The following GAB1 variants were observed in gnomAD, a reference collection of about 807,000 sequenced individuals.
GAB1 encodes the protein GRB2 associated binding protein 1.
Under a neutral mutation model 66.5 loss-of-function variants are expected in GAB1, and 19 were observed. The observed-to-expected ratio is 0.29, with a 90% CI of 0.20 to 0.42. The LOEUF (loss-of-function observed/expected upper bound fraction) is 0.42, where lower values mean the gene tolerates loss of function less well. Ranked by LOEUF, GAB1 falls within the 10% of genes least tolerant of loss-of-function variation. The probability of loss-of-function intolerance (pLI) is 1.00; values close to 1 mark genes in which losing one functional copy is unlikely to be tolerated. For missense variants in GAB1, 732 were observed against 858.5 expected, an observed-to-expected ratio of 0.85 and a Z score of 1.84; for synonymous variants, 294 against 301.4, an observed-to-expected ratio of 0.98 and a Z score of 0.25.
Position 143,460,391 on chromosome 4 carries a change from A to G in GAB1, c.1707A>G (p.Arg569=), listed in dbSNP as rs1343871630. The G allele has an allele frequency of 6.2e-7, 1 of 1,613,554 alleles. No individual in the cohort carries two copies. The highest frequency in any genetic ancestry group is 8.5e-7 in the Non-Finnish European group (1 of 1,179,720). The change falls in exon 8 of 10, where the codon CGA becomes CGG. Residue 569 remains arginine (R), a synonymous_variant. Transcript: ENST00000262994. ...RDSSRFPMSP[R]PDSVHSTTSS... The stretch of plus-strand genomic sequence containing the variant: ...CTTCCAGGTTTCCCATGTCCCCCCG[A>G]CCAGATTCAGTGCATAGCACAACTT...
chr4:143,389,262 A>C (rs1488018179), intron 1 of GAB1, among the ~76,000 whole-genome samples: 1 of 152,246 alleles, frequency 6.6e-6, no homozygotes, highest in East Asian at 1.9e-4. Flanking sequence ...CAATGTATAT[A>C]ATCAAATACT....
chr4:143,455,466 A>G (rs1293928060), intron 6 of GAB1, among the ~76,000 whole-genome samples: 1 of 152,212 alleles, frequency 6.6e-6, no homozygotes, highest in African/African-American at 2.4e-5. Context: ...TGAGAAATGC[A>G]AAGAGTGACC....
At chr4:143,443,901 A>G (rs918332734) in intron 6 of GAB1, among the ~76,000 whole-genome samples, 3 of 152,216 alleles carry the variant, frequency 2.0e-5, no homozygotes, top group Non-Finnish European at 4.4e-5. Flanking sequence ...CTGAACACTT[A>G]AACATAATTA....
chr4:143,337,232 C>A lies in GAB1; in HGVS notation c.44C>A (p.Ser15Tyr), dbSNP rs765022351. ...GTCTGCTCCGGATGGCTCCGCAAGT[C>A]CCCCCCGGAGAAAAAGTTGAAGCGT... ...EVVCSGWLRK[S>Y]PPEKKLKRYA... The change falls in exon 1 of 10, where the codon TCC becomes TAC. Residue 15 changes from serine (S) to tyrosine (Y), a missense_variant. Physicochemically the swap from Ser to Tyr is moderately radical, Grantham distance 144 (BLOSUM62 -2). Coordinates refer to ENST00000262994, the MANE Select transcript of GAB1 (RefSeq NM_002039.4). 6 of 1,583,282 alleles carry A rather than the reference C, an allele frequency of 3.8e-6. No individual in the cohort carries two copies. Among genetic ancestry groups the A allele is most frequent in the Non-Finnish European group, 4.3e-6 (5 of 1,164,174 alleles).
At chr4:143,399,133 T>C (rs1435749950) in intron 1 of GAB1, among the ~76,000 whole-genome samples, 1 of 152,232 alleles carries the variant, frequency 6.6e-6, no homozygotes. Context: ...ATGGAAATGA[T>C]TTTGTTTTAG....
intron 1 of GAB1, among the ~76,000 whole-genome samples, chr4:143,353,948 G>A (rs1256417838): frequency 5.9e-5 from 9 of 152,136 alleles, no homozygotes; most frequent in Non-Finnish European, 1.2e-4. Context: ...CTTTGTAAGT[G>A]TTGAGGATCA....
At chr4:143,449,409 T>G (rs947878431) in intron 6 of GAB1, among the ~76,000 whole-genome samples, 11 of 151,892 alleles carry the variant, frequency 7.2e-5, no homozygotes, top group Non-Finnish European at 1.5e-4. Context: ...CTCCCATTAT[T>G]ATTGTGTGGG....
chr4:143,378,179 G>C (rs28410377), intron 1 of GAB1, among the ~76,000 whole-genome samples: 11 of 152,168 alleles, frequency 7.2e-5, no homozygotes, highest in South Asian at 4.1e-4. Context: ...GATAAATTTT[G>C]TTTCTCTGAA....
rs973487231 is a variant in GAB1 at position 143,356,701 on chromosome 4, T to C, written c.72+19441T>C. 7.9e-5 allele frequency among the ~76,000 whole-genome samples: 12 copies of C among 152,304 alleles called. No homozygotes were observed. The East Asian group carries it at 1.9e-3, about 24-fold the overall frequency. On this transcript the variant is annotated intron_variant, in intron 1 of 9. Coordinates refer to ENST00000262994, the MANE Select transcript of GAB1 (RefSeq NM_002039.4). The stretch of plus-strand genomic sequence containing the variant: ...CAAAGAAAGGGAGGGTTGGGTTATG[T>C]GATGCAAACACCACGTTAGCCTCAT...
In GAB1 at chr4:143,425,415, C is replaced by T; in HGVS notation, c.368-8076C>T. On this transcript the variant is annotated intron_variant, in intron 2 of 9. Coordinates refer to ENST00000262994, the MANE Select transcript of GAB1 (RefSeq NM_002039.4). The stretch of plus-strand genomic sequence containing the variant: ...TGGGAGCCATGGCTTCTTGTGGTTA[C>T]TGACCCCAGGGCTGAAGACCAGCCT... The T allele has an allele frequency of 4.0e-6, 3 of 759,238 alleles. No individual in the cohort carries two copies. The Admixed American group carries it at 5.1e-5, about 13-fold the overall frequency. 47.0% of individuals were successfully genotyped at this position (759,238 alleles called of 1,614,324 possible).
chr4:143,425,577 G>A, intron 2 of GAB1: 1 of 762,988 alleles, frequency 1.3e-6, no homozygotes, highest in Non-Finnish European at 2.4e-6. Flanking sequence ...GTGGATGCTG[G>A]CTCGGGAAGT....
chr4:143,382,776 T>C (rs561513896), intron 1 of GAB1, among the ~76,000 whole-genome samples: 1 of 152,174 alleles, frequency 6.6e-6, no homozygotes, highest in Non-Finnish European at 1.5e-5. Flanking sequence ...TTAAGACTTT[T>C]TTTTTTTCAA....
chr4:143,448,865 C>A (rs1341493308), intron 6 of GAB1, among the ~76,000 whole-genome samples: 1 of 150,568 alleles, frequency 6.6e-6, no homozygotes, highest in African/African-American at 2.5e-5. Flanking sequence ...TTTTCTAGTT[C>A]TTTTAATTGT....
chr4:143,464,835 C>T (rs1735696338), intron 8 of GAB1, among the ~76,000 whole-genome samples: 1 of 152,152 alleles, frequency 6.6e-6, no homozygotes, highest in South Asian at 2.1e-4. Flanking sequence ...CTAGAAGTAT[C>T]CTTTCCCTAA....
At chr4:143,438,678 C>T (rs746385932) in intron 4 of GAB1, 78 bp downstream of exon 4, 42 of 1,448,290 alleles carry the variant, frequency 2.9e-5, no homozygotes, top group African/African-American at 1.4e-4. Flanking sequence ...TTCTTTTAAG[C>T]GTAGTTAAAT....
chr4:143,338,587 T>TA (rs1191762780), intron 1 of GAB1, among the ~76,000 whole-genome samples: 1 of 152,218 alleles, frequency 6.6e-6, no homozygotes, highest in African/African-American at 2.4e-5. Context: ...CAGAGATGTG[T>TA]AATGCCTCCA....
chr4:143,402,376 G>A (rs17739332), intron 1 of GAB1, among the ~76,000 whole-genome samples: 12,706 of 152,154 alleles, frequency 0.084, 607 homozygotes, highest in South Asian at 0.14. Flanking sequence ...TCTTTAACAT[G>A]CCTACCCTTC....
intron 1 of GAB1, among the ~76,000 whole-genome samples, chr4:143,377,920 A>G (rs991363013): frequency 7.2e-5 from 11 of 152,192 alleles, no homozygotes; most frequent in Admixed American, 6.5e-4. Flanking sequence ...GTTTTAAACA[A>G]TCCCTTTTAG....
At position 143,438,523 on chromosome 4, in the gene GAB1, A is replaced by G; in HGVS notation, c.1118A>G (p.Tyr373Cys). The change falls in exon 4 of 10, where the codon TAC (tyrosine) becomes TGC (cysteine). Residue 373 changes from tyrosine (Y) to cysteine (C), a missense_variant. Tyr to Cys is a radical substitution (Grantham distance 194, BLOSUM62 -2). Transcript: ENST00000262994. Reference protein sequence around the residue: ...PRTASDTDSSYCIPTAGMSPS... With the variant: ...PRTASDTDSSCCIPTAGMSPS... ...ACCGCCTCAGACACTGACAGTAGTT[A>G]CTGTATCCCTACAGCAGGGATGTCG... 1.2e-6 allele frequency: 2 copies of G among 1,614,086 alleles called. No homozygotes were observed. Among genetic ancestry groups the G allele is most frequent in the African/African-American group, 1.3e-5 (1 of 75,046 alleles).
Sources: allele counts gnomAD v4.1 joint callset (sites outside exome capture counted in the v4.1 genomes callset), GRCh38; gene constraint gnomAD v4.1.1; transcripts MANE v1.5; gene names NCBI Gene and HGNC (gene_info 2026-07-23, HGNC 2026-07-21).